Variants in CACNA1C observed in about 807,000 individuals in gnomAD.
The protein encoded by CACNA1C is voltage-dependent L-type calcium channel subunit alpha-1C.
In CACNA1C, 30 loss-of-function variants were observed where a neutral mutation model predicts 229.0. The observed-to-expected ratio is 0.13, with a 90% confidence interval of 0.10 to 0.18. The LOEUF (loss-of-function observed/expected upper bound fraction) is 0.18, where lower values mean the gene tolerates loss of function less well. CACNA1C is among the 10% of genes least tolerant of loss of function. The pLI is 1.00. For synonymous variants in CACNA1C, 1,114 were observed against 1,132.5 expected (o/e 0.98, Z 0.33); for missense variants, 1,658 against 2,845.0 (o/e 0.58, Z 9.49).
chr12:2,650,470 G>A (rs2094835732), intron 31 of CACNA1C, among the ~76,000 whole-genome samples: 1 of 152,170 alleles, frequency 6.6e-6, no homozygotes, highest in Admixed American at 6.5e-5. Flanking sequence ...GGTGTGGACG[G>A]GACCAGTAAC....
At chr12:2,039,933 G>A (rs1214134301) in intron 1 of CACNA1C, among the ~76,000 whole-genome samples, 1 of 152,068 alleles carries the variant, frequency 6.6e-6, no homozygotes. Context: ...GATGGGGATG[G>A]GGGTAGGATT....
intron 1 of CACNA1C, among the ~76,000 whole-genome samples, chr12:2,066,590 G>A (rs942323632): frequency 6.6e-6 from 1 of 152,186 alleles, no homozygotes; most frequent in Non-Finnish European, 1.5e-5. Flanking sequence ...ATGATGAGGC[G>A]TGGTGGTTGT....
intron 3 of CACNA1C, among the ~76,000 whole-genome samples, chr12:2,158,715 G>A (rs935285672): frequency 6.6e-6 from 1 of 152,012 alleles, no homozygotes; most frequent in Non-Finnish European, 1.5e-5. Context: ...AGGTAAAAGA[G>A]AAACATTTTC....
intron 3 of CACNA1C, among the ~76,000 whole-genome samples, chr12:2,390,172 CT>C: frequency 6.6e-6 from 1 of 152,304 alleles, no homozygotes; most frequent in South Asian, 2.1e-4. Flanking sequence ...AAGCCCAGCC[CT>C]TATGACTAGG....
At chr12:2,539,296 C>T (rs10848671) in intron 9 of CACNA1C, among the ~76,000 whole-genome samples, 483 of 34,144 alleles carry the variant, frequency 0.014, no homozygotes, top group African/African-American at 0.034. Flanking sequence ...TTAAGGAGGG[C>T]TTCATAAAGA....
At chr12:2,591,636 C>A (rs1359813493) in intron 18 of CACNA1C, among the ~76,000 whole-genome samples, 2 of 151,940 alleles carry the variant, frequency 1.3e-5, no homozygotes, top group Non-Finnish European at 2.9e-5. Flanking sequence ...AAGCGCAGCT[C>A]AAACAGAGAG....
intron 3 of CACNA1C, among the ~76,000 whole-genome samples, chr12:2,265,529 C>T (rs2082055486): frequency 6.6e-6 from 1 of 152,196 alleles, no homozygotes; most frequent in Non-Finnish European, 1.5e-5. Flanking sequence ...TCCTCCCACA[C>T]CCCTGTCCCT....
intron 3 of CACNA1C, among the ~76,000 whole-genome samples, chr12:2,120,889 A>G (rs1558322): frequency 0.66 from 100,308 of 151,846 alleles, 33,699 homozygotes; most frequent in East Asian, 0.73. Context: ...TTTTAGGAAC[A>G]TTTGCTTTTG....
chr12:1,988,621 T>C (rs143089509), intron 1 of CACNA1C, among the ~76,000 whole-genome samples: 102 of 152,366 alleles, frequency 6.7e-4, no homozygotes, highest in African/African-American at 2.4e-3. Context: ...TTTGGGTTTA[T>C]GTCTTTTTAA....
upstream of CACNA1C, chr12:2,052,927 G>T: frequency 3.1e-6 from 3 of 960,540 alleles, no homozygotes; most frequent in Non-Finnish European, 3.7e-6. Context: ...GGCAGGGGCG[G>T]GCGCGGGCGC....
chr12:2,151,128 C>T (rs2095217359), intron 3 of CACNA1C, among the ~76,000 whole-genome samples: 1 of 152,148 alleles, frequency 6.6e-6, no homozygotes, highest in Admixed American at 6.5e-5. Context: ...TACAGGATTC[C>T]TATGGCCACA....
intron 3 of CACNA1C, among the ~76,000 whole-genome samples, chr12:2,365,493 A>G (rs1162845625): frequency 1.3e-5 from 2 of 152,238 alleles, no homozygotes; most frequent in Non-Finnish European, 2.9e-5. Context: ...AATGCAGATT[A>G]ACAGATTGAT....
At chr12:2,236,485 T>C (rs1600159050) in intron 3 of CACNA1C, among the ~76,000 whole-genome samples, 1 of 152,356 alleles carries the variant, frequency 6.6e-6, no homozygotes, top group East Asian at 1.9e-4. Context: ...ATCAATTTTT[T>C]GTTTAAAAAC....
At chr12:2,031,606 C>T (rs1334355354) in intron 1 of CACNA1C, among the ~76,000 whole-genome samples, 1 of 152,216 alleles carries the variant, frequency 6.6e-6, no homozygotes, top group Non-Finnish European at 1.5e-5. Flanking sequence ...CTCTATCTCT[C>T]TACCTATCCT....
rs1000765657 is a variant in CACNA1C, at chr12:2,139,161, G to A, written c.477+18731G>A. Among the ~76,000 whole-genome samples the A allele has an allele frequency of 1.3e-5, 2 of 151,032 alleles. 1 individual carries two copies. Among genetic ancestry groups the A allele is most frequent in the Non-Finnish European group, 3.0e-5 (2 of 67,580 alleles). On this transcript the variant is annotated intron_variant, in intron 3 of 46. Coordinates refer to ENST00000399655, the MANE Select transcript of CACNA1C (RefSeq NM_000719.7). Reference sequence around the variant, plus strand: ...GGTTCCTCTGGGCACTCTGAGGAGTGTGTTCCGTGCTCCTGCCCTGGCTCC... The same window carrying A: ...GGTTCCTCTGGGCACTCTGAGGAGTATGTTCCGTGCTCCTGCCCTGGCTCC...
At chr12:2,251,306 G>A (rs2075516979) in intron 3 of CACNA1C, among the ~76,000 whole-genome samples, 1 of 152,214 alleles carries the variant, frequency 6.6e-6, no homozygotes, top group Non-Finnish European at 1.5e-5. Context: ...TGACCATCAT[G>A]AGGGCAGGCG....
At chr12:2,061,329 A>G (rs1417411562) in intron 1 of CACNA1C, among the ~76,000 whole-genome samples, 1 of 152,240 alleles carries the variant, frequency 6.6e-6, no homozygotes, top group East Asian at 1.9e-4. Flanking sequence ...CATTTCAAAC[A>G]ACTTTGGAGG....
chr12:2,644,876 A>G (rs1189521453), intron 30 of CACNA1C, among the ~76,000 whole-genome samples: 2 of 152,230 alleles, frequency 1.3e-5, no homozygotes, highest in Admixed American at 6.5e-5. Flanking sequence ...AAACAAGGCA[A>G]TCTGCATAAG....
chr12:2,000,853 A>G (rs923423054), intron 1 of CACNA1C, among the ~76,000 whole-genome samples: 3 of 152,234 alleles, frequency 2.0e-5, no homozygotes, highest in Admixed American at 6.5e-5. Context: ...CCTGGCCAAC[A>G]TGGTGAAACC....
Sources: allele counts gnomAD v4.1 joint callset (sites outside exome capture counted in the v4.1 genomes callset), GRCh38; gene constraint gnomAD v4.1.1; transcripts MANE v1.5; gene names NCBI Gene and HGNC (gene_info 2026-07-23, HGNC 2026-07-21).